The following CDK14 variants were observed in gnomAD, a reference collection of about 807,000 sequenced individuals.
CDK14 encodes cyclin-dependent kinase 14.
CDK14 carries 34 observed loss-of-function variants against 60.7 expected under a neutral mutation model. The observed-to-expected ratio is 0.56, with a 90% CI of 0.43 to 0.75. CDK14 has a LOEUF of 0.75. Among genes scored for constraint, CDK14 ranks in the 30% least tolerant of loss-of-function variants. The pLI is 0.00. For missense variants in CDK14, 482 were observed against 564.1 expected, an observed-to-expected ratio of 0.85 and a Z score of 1.47; for synonymous variants, 197 against 203.7, an observed-to-expected ratio of 0.97 and a Z score of 0.28.
At chr7:90,652,023 C>A (rs1047134374) in intron 2 of CDK14, among the ~76,000 whole-genome samples, 2 of 152,174 alleles carry the variant, frequency 1.3e-5, no homozygotes, top group Non-Finnish European at 2.9e-5. Context: ...CCAGTGGCCT[C>A]CATCCTCACA....
chr7:90,662,345 C>G (rs1800881425), intron 2 of CDK14, among the ~76,000 whole-genome samples: 1 of 152,212 alleles, frequency 6.6e-6, no homozygotes, highest in Non-Finnish European at 1.5e-5. Flanking sequence ...TTATGCTGTG[C>G]CAGTGAAATA....
intron 14 of CDK14, among the ~76,000 whole-genome samples, chr7:91,130,713 A>C (rs1057316752): frequency 6.6e-6 from 1 of 152,160 alleles, no homozygotes; most frequent in African/African-American, 2.4e-5. Context: ...ACAATAGAGC[A>C]TCATTTACTA....
chr7:90,919,793 A>T (rs188320256), intron 8 of CDK14, among the ~76,000 whole-genome samples: 1 of 152,302 alleles, frequency 6.6e-6, no homozygotes, highest in Non-Finnish European at 1.5e-5. Flanking sequence ...TGAGCATTTT[A>T]GCTCTTTCTA....
intron 6 of CDK14, among the ~76,000 whole-genome samples, chr7:90,887,439 TA>T (rs759673532): frequency 2.6e-4 from 39 of 152,340 alleles, no homozygotes; most frequent in Non-Finnish European, 5.0e-4. Flanking sequence ...AGCAAACAGA[TA>T]GTTCATATAC....
At position 91,102,479 on chromosome 7, in the gene CDK14, G is replaced by C. The variant is rs138781033; in HGVS notation, c.1155-10063G>C. On this transcript the variant is annotated intron_variant, in intron 12 of 14. Coordinates refer to ENST00000380050, the MANE Select transcript of CDK14 (RefSeq NM_001287135.2). ...TTTACTCTTTATATCCAGTTTTCAT[G>C]AGCTAAAACAATAAATTCCAGTGGA... Among the ~76,000 whole-genome samples, 493 of 152,138 alleles carry C rather than the reference G, an allele frequency of 3.2e-3. 6 individuals are homozygous for C. Among genetic ancestry groups the C allele is most frequent in the African/African-American group, 0.011 (472 of 41,496 alleles).
At chr7:90,813,744 G>A (rs1228882631) in intron 5 of CDK14, among the ~76,000 whole-genome samples, 3 of 150,626 alleles carry the variant, frequency 2.0e-5, no homozygotes, top group Non-Finnish European at 4.4e-5. Flanking sequence ...GCGAGACTCT[G>A]TCTCAAAAAA....
chr7:90,995,846 T>A (rs1795668583), intron 10 of CDK14, among the ~76,000 whole-genome samples: 1 of 152,198 alleles, frequency 6.6e-6, no homozygotes, highest in Non-Finnish European at 1.5e-5. Context: ...TGAATCCGAG[T>A]CTCAGGGGAT....
chr7:90,754,914 G>T (rs1466103495), intron 4 of CDK14, among the ~76,000 whole-genome samples: 1 of 152,094 alleles, frequency 6.6e-6, no homozygotes, highest in East Asian at 1.9e-4. Context: ...AAACCGTAAT[G>T]AGATACCATC....
At chr7:91,171,144 T>C (rs1002328725) in intron 14 of CDK14, among the ~76,000 whole-genome samples, 1 of 152,004 alleles carries the variant, frequency 6.6e-6, no homozygotes, top group African/African-American at 2.4e-5. Flanking sequence ...GGTCAGAAGA[T>C]TGAGACCATC....
At chr7:91,101,104 C>G (rs1799135997) in intron 12 of CDK14, among the ~76,000 whole-genome samples, 1 of 152,154 alleles carries the variant, frequency 6.6e-6, no homozygotes, top group African/African-American at 2.4e-5. Flanking sequence ...AGAATAGTCT[C>G]TATAGCAATA....
In CDK14 at chr7:91,173,429, T is replaced by TAA. The variant is rs34656228; in HGVS notation, c.*29-33726_*29-33725dup. Reference sequence around the variant, plus strand: ...GGCAAAAGAGTAAGACTGCATCTCTTAAAAAAAAAAAGGTGGGGAGGAGCC... The same window carrying TAA: ...GGCAAAAGAGTAAGACTGCATCTCTTAAAAAAAAAAAAAGGTGGGGAGGAGCC... On this transcript the variant is annotated intron_variant, in intron 14 of 14. Coordinates refer to ENST00000380050, the MANE Select transcript of CDK14 (RefSeq NM_001287135.2). 3.4e-4 allele frequency among the ~76,000 whole-genome samples: 49 copies of TAA among 146,182 alleles called. 1 individual carries two copies. Among genetic ancestry groups the TAA allele is most frequent in the East Asian group, 1.6e-3 (8 of 4,952 alleles).
chr7:90,990,156 A>G (rs928079885), intron 10 of CDK14, among the ~76,000 whole-genome samples: 1 of 152,188 alleles, frequency 6.6e-6, no homozygotes, highest in Non-Finnish European at 1.5e-5. Context: ...GTATGTGCCT[A>G]TGGTCCCAGC....
At chr7:91,089,430 C>G (rs747457746) in intron 12 of CDK14, among the ~76,000 whole-genome samples, 4 of 152,058 alleles carry the variant, frequency 2.6e-5, no homozygotes, top group African/African-American at 4.8e-5. Flanking sequence ...CTTTTAGACA[C>G]GCAGATATAC....
intron 14 of CDK14, among the ~76,000 whole-genome samples, chr7:91,151,547 G>T (rs538059160): frequency 6.6e-6 from 1 of 152,070 alleles, no homozygotes; most frequent in South Asian, 2.1e-4. Flanking sequence ...CCTGACTTTT[G>T]TTTCTCTGGT....
chr7:90,874,553 G>A (rs71557098), intron 6 of CDK14, among the ~76,000 whole-genome samples: 5 of 100,056 alleles, frequency 5.0e-5, no homozygotes, highest in Non-Finnish European at 8.8e-5. Context: ...ACGGAGTCTC[G>A]CTCTGTCGCC....
chr7:90,672,080 G>A (rs903071532), intron 2 of CDK14, among the ~76,000 whole-genome samples: 1 of 152,176 alleles, frequency 6.6e-6, no homozygotes, highest in Non-Finnish European at 1.5e-5. Context: ...AAAGGTGACT[G>A]GACAGAGGTG....
At chr7:90,734,678 C>T (rs1355364237) in intron 3 of CDK14, among the ~76,000 whole-genome samples, 1 of 152,130 alleles carries the variant, frequency 6.6e-6, no homozygotes, top group Non-Finnish European at 1.5e-5. Context: ...TTATATTCTT[C>T]TCCAAACTGG....
At chr7:90,874,135 C>T (rs1791470011) in intron 6 of CDK14, among the ~76,000 whole-genome samples, 1 of 152,170 alleles carries the variant, frequency 6.6e-6, no homozygotes, top group African/African-American at 2.4e-5. Flanking sequence ...CCCCTCTTCC[C>T]TGAGCTGGAG....
At chr7:90,613,025 A>G (rs1385527549) in intron 2 of CDK14, among the ~76,000 whole-genome samples, 1 of 152,168 alleles carries the variant, frequency 6.6e-6, no homozygotes, top group Non-Finnish European at 1.5e-5. Flanking sequence ...CTGATGCTTA[A>G]AACTTTCTGT....
Sources: gnomAD v4.1 joint callset for allele counts (sites outside exome capture counted in the v4.1 genomes callset) on GRCh38, gnomAD v4.1.1 for gene constraint, MANE v1.5 for transcripts, NCBI Gene and HGNC (gene_info 2026-07-23, HGNC 2026-07-21) for gene names.